Variants in GABRG2 observed in about 807,000 individuals in gnomAD.
The protein encoded by GABRG2 is gamma-aminobutyric acid type A receptor subunit gamma2.
A neutral mutation model predicts 56.4 loss-of-function variants in GABRG2; 16 were observed. That is an observed-to-expected ratio of 0.28 (90% CI 0.19 to 0.43). The LOEUF (loss-of-function observed/expected upper bound fraction) is 0.43. Among genes scored for constraint, GABRG2 ranks in the 20% least tolerant of loss-of-function variants. The pLI is 1.00. For synonymous variants in GABRG2, 208 were observed against 205.5 expected (o/e 1.01, Z -0.10); for missense variants, 327 against 582.7 (o/e 0.56, Z 4.52).
intron 6 of GABRG2, among the ~76,000 whole-genome samples, chr5:162,126,356 A>C (rs1416751445): frequency 6.6e-6 from 1 of 151,954 alleles, no homozygotes; most frequent in African/African-American, 2.4e-5. Context: ...TGTTCCACCC[A>C]CCAGTGGGTC....
chr5:162,074,315 G>A (rs1459923570), intron 1 of GABRG2, among the ~76,000 whole-genome samples: 2 of 151,890 alleles, frequency 1.3e-5, no homozygotes, highest in African/African-American at 2.4e-5. Flanking sequence ...TAAATAAGTA[G>A]CACTGATACA....
intron 6 of GABRG2, among the ~76,000 whole-genome samples, chr5:162,112,375 A>AGG (rs2113427833): frequency 1.3e-5 from 2 of 150,828 alleles, no homozygotes; most frequent in South Asian, 4.2e-4. Flanking sequence ...GATCTCTAAT[A>AGG]AACAGCTACT....
At chr5:162,094,951 G>A (rs1185987128) in intron 2 of GABRG2, among the ~76,000 whole-genome samples, 1 of 152,098 alleles carries the variant, frequency 6.6e-6, no homozygotes, top group Non-Finnish European at 1.5e-5. Flanking sequence ...CATCAGGGAA[G>A]ATTAATTTTG....
In GABRG2 at chr5:162,145,626, G is replaced by A. The variant is rs1175887703; in HGVS notation, c.922+3310G>A. Among the ~76,000 whole-genome samples, 11 of 152,308 alleles carry A rather than the reference G, an allele frequency of 7.2e-5. No homozygotes were observed. In the East Asian group the frequency reaches 2.1e-3, roughly 29 times the overall value. On this transcript the variant is annotated intron_variant, in intron 7 of 9. Transcript: ENST00000639213. ...CAAGAGTCTACTTCTACATGGCTTT[G>A]ATGAATGCCTATGTAGCCTAAATAA...
At chr5:162,109,412 A>T (rs1044163003) in intron 6 of GABRG2, among the ~76,000 whole-genome samples, 97 of 120,326 alleles carry the variant, frequency 8.1e-4, no homozygotes, top group African/African-American at 2.6e-3. Flanking sequence ...ATATATATAT[A>T]TATATATATA....
intron 6 of GABRG2, among the ~76,000 whole-genome samples, chr5:162,107,478 A>G (rs1263351859): frequency 6.6e-6 from 1 of 152,098 alleles, no homozygotes; most frequent in African/African-American, 2.4e-5. Context: ...TATAAACAGA[A>G]GAATAGAAGC....
chr5:162,118,111 T>G (rs1239118970), intron 6 of GABRG2, among the ~76,000 whole-genome samples: 1 of 151,968 alleles, frequency 6.6e-6, no homozygotes, highest in East Asian at 1.9e-4. Flanking sequence ...GCAGTTTTGT[T>G]TATTTTTTCT....
intron 6 of GABRG2, among the ~76,000 whole-genome samples, chr5:162,132,828 T>C (rs1763852706): frequency 6.6e-6 from 1 of 152,074 alleles, no homozygotes; most frequent in Non-Finnish European, 1.5e-5. Flanking sequence ...ATGGGACTTC[T>C]GCAAAAGGTA....
intron 6 of GABRG2, among the ~76,000 whole-genome samples, chr5:162,133,733 G>T (rs531804005): frequency 6.6e-6 from 1 of 152,148 alleles, no homozygotes; most frequent in East Asian, 1.9e-4. Flanking sequence ...GGTGAGAAAG[G>T]GAACCTCTTG....
intron 1 of GABRG2, among the ~76,000 whole-genome samples, chr5:162,071,189 A>G (rs1024979021): frequency 6.6e-6 from 1 of 151,532 alleles, no homozygotes; most frequent in Non-Finnish European, 1.5e-5. Context: ...TATACCACAT[A>G]TATATGCATA....
intron 6 of GABRG2, among the ~76,000 whole-genome samples, chr5:162,137,566 G>GT (rs1012832682): frequency 4.0e-5 from 6 of 151,504 alleles, no homozygotes; most frequent in Admixed American, 6.6e-5. Context: ...AAAATTTAGG[G>GT]TTTTTTTTCT....
chr5:162,116,111 T>TGC (rs1491428029), intron 6 of GABRG2, among the ~76,000 whole-genome samples: 1 of 33,810 alleles, frequency 3.0e-5, no homozygotes, highest in East Asian at 0.024. Flanking sequence ...TGTGCGTGCA[T>TGC]GTGTGTGTGT....
chr5:162,127,391 A>C (rs1439957210), intron 6 of GABRG2, among the ~76,000 whole-genome samples: 1 of 151,944 alleles, frequency 6.6e-6, no homozygotes, highest in Non-Finnish European at 1.5e-5. Context: ...TCTTCATCTA[A>C]TCACCTATAT....
chr5:162,102,758 G>A (rs1038289838), intron 5 of GABRG2: 1 of 351,924 alleles, frequency 2.8e-6, no homozygotes, highest in African/African-American at 2.1e-5. Flanking sequence ...TATTATCACT[G>A]TTTTCCTCAA....
chr5:162,144,298 C>A (rs1265661873), intron 7 of GABRG2, among the ~76,000 whole-genome samples: 1 of 152,158 alleles, frequency 6.6e-6, no homozygotes, highest in Non-Finnish European at 1.5e-5. Context: ...TTCCCAAAAA[C>A]ATTTTAAGGA....
At chr5:162,111,936 T>A (rs932764227) in intron 6 of GABRG2, among the ~76,000 whole-genome samples, 2 of 152,222 alleles carry the variant, frequency 1.3e-5, no homozygotes, top group African/African-American at 2.4e-5. Context: ...TATCTTTAGA[T>A]ACAGCAAAAG....
chr5:162,137,696 C>T (rs1209041816), intron 6 of GABRG2, among the ~76,000 whole-genome samples: 2 of 152,044 alleles, frequency 1.3e-5, no homozygotes, highest in East Asian at 3.9e-4. Context: ...AGTTAGAGCA[C>T]TCTTTCTTTT....
intron 4 of GABRG2, chr5:162,098,889 CTTTCA>C (rs1008324634): frequency 6.6e-6 from 1 of 152,094 alleles, no homozygotes; most frequent in African/African-American, 2.4e-5. Context: ...ACTCTTTTAC[CTTTCA>C]TTTCTTTAAT....
chr5:162,112,162 G>C (rs932839160), intron 6 of GABRG2, among the ~76,000 whole-genome samples: 1 of 152,028 alleles, frequency 6.6e-6, no homozygotes, highest in African/African-American at 2.4e-5. Flanking sequence ...ATCAATTTGA[G>C]AGAATATATA....
Sources: allele counts gnomAD v4.1 joint callset (sites outside exome capture counted in the v4.1 genomes callset), GRCh38; gene constraint gnomAD v4.1.1; transcripts MANE v1.5; gene names NCBI Gene and HGNC (gene_info 2026-07-23, HGNC 2026-07-21).